The following PLCE1 variants were observed in gnomAD, a reference collection of about 807,000 sequenced individuals.
The protein encoded by PLCE1 is 1-phosphatidylinositol 4,5-bisphosphate phosphodiesterase epsilon-1.
A neutral mutation model predicts 242.8 loss-of-function variants in PLCE1; 119 were observed. That is an observed-to-expected ratio of 0.49 (90% CI 0.42 to 0.57). The LOEUF (loss-of-function observed/expected upper bound fraction) is 0.57. Among genes scored for constraint, PLCE1 ranks in the 20% least tolerant of loss-of-function variants. PLCE1 has a pLI of 0.00. For missense variants in PLCE1, 2,441 were observed against 2,788.8 expected, an observed-to-expected ratio of 0.88 and a Z score of 2.81; for synonymous variants, 945 against 1,017.4, an observed-to-expected ratio of 0.93 and a Z score of 1.35.
chr10:94,073,329 A>G (rs2044413951), intron 2 of PLCE1, among the ~76,000 whole-genome samples: 1 of 152,212 alleles, frequency 6.6e-6, no homozygotes, highest in African/African-American at 2.4e-5. Flanking sequence ...ATTCCAAGTA[A>G]CCAACTTACT....
intron 2 of PLCE1, among the ~76,000 whole-genome samples, chr10:94,039,382 C>CT (rs528351330): frequency 0.032 from 4,651 of 145,514 alleles, 98 homozygotes; most frequent in Non-Finnish European, 0.047. Flanking sequence ...TTCTCCATAT[C>CT]TTTTTTTTTT....
At chr10:94,318,945 A>C (rs1589535202) in intron 29 of PLCE1, among the ~76,000 whole-genome samples, 1 of 152,090 alleles carries the variant, frequency 6.6e-6, no homozygotes, top group East Asian at 1.9e-4. Context: ...CTACTCAGGA[A>C]GCTGAGGCAG....
intron 20 of PLCE1, among the ~76,000 whole-genome samples, chr10:94,281,924 A>T (rs1052989675): frequency 2.0e-5 from 3 of 151,894 alleles, no homozygotes; most frequent in Non-Finnish European, 4.4e-5. Context: ...TTTCTCCAGC[A>T]GGGATAGAGA....
At chr10:94,167,617 C>T (rs1376522875) in intron 3 of PLCE1, among the ~76,000 whole-genome samples, 1 of 151,406 alleles carries the variant, frequency 6.6e-6, no homozygotes, top group Non-Finnish European at 1.5e-5. Flanking sequence ...GTGCTGCACC[C>T]ATTAACTTGT....
At chr10:94,096,010 G>T (rs1211807554) in intron 2 of PLCE1, among the ~76,000 whole-genome samples, 1 of 152,098 alleles carries the variant, frequency 6.6e-6, no homozygotes, top group Non-Finnish European at 1.5e-5. Flanking sequence ...GTTATTGGGG[G>T]CTTCTTGTGA....
intron 23 of PLCE1, among the ~76,000 whole-genome samples, chr10:94,295,972 C>A (rs947454491): frequency 1.2e-4 from 19 of 152,192 alleles, no homozygotes; most frequent in African/African-American, 4.3e-4. Flanking sequence ...AGAGAGACAG[C>A]CTTTTCTTTG....
chr10:94,212,413 C>T (rs578036594), intron 4 of PLCE1, among the ~76,000 whole-genome samples: 11 of 152,308 alleles, frequency 7.2e-5, no homozygotes, highest in East Asian at 1.9e-4. Context: ...TCCACCACTA[C>T]GCCCAGCTGA....
intron 3 of PLCE1, among the ~76,000 whole-genome samples, chr10:94,154,780 T>A (rs1461053989): frequency 6.6e-6 from 1 of 151,800 alleles, no homozygotes; most frequent in Non-Finnish European, 1.5e-5. Flanking sequence ...GACTCACGCC[T>A]GTAATCTCAA....
chr10:94,297,466 A>C (rs2052871226), intron 23 of PLCE1, among the ~76,000 whole-genome samples: 2 of 152,034 alleles, frequency 1.3e-5, no homozygotes, highest in Admixed American at 1.3e-4. Context: ...AATAATGTTT[A>C]AAAGCTTGAA....
In PLCE1 at chr10:94,246,146, C is replaced by G. The variant is rs1342856003; in HGVS notation, c.2621C>G (p.Thr874Arg). Residue 874 changes from threonine to arginine, a missense_variant, in exon 8 of 33, where the codon ACA becomes AGA. This residue lies in a region of PLCE1 where 733 missense variants were observed against 754.2 expected (regional missense o/e 0.97). Transcript: ENST00000371380. ...ACGGTCATCCACTACGACCAGGACACACACCTCTCTGCCCGCTGCTTCCTC... is the reference window on the plus strand; with the variant it reads ...ACGGTCATCCACTACGACCAGGACAGACACCTCTCTGCCCGCTGCTTCCTC... ...GATVIHYDQD[T>R]HLSARCFLQL... 5.0e-6 allele frequency: 8 copies of G among 1,614,036 alleles called. No individual in the cohort carries two copies. Among genetic ancestry groups the G allele is most frequent in the Non-Finnish European group, 6.8e-6 (8 of 1,180,020 alleles).
intron 2 of PLCE1, among the ~76,000 whole-genome samples, chr10:94,084,459 T>G (rs1199607023): frequency 6.6e-6 from 1 of 152,158 alleles, no homozygotes; most frequent in Non-Finnish European, 1.5e-5. Flanking sequence ...CGGCCACCTA[T>G]TCCTCTTCTG....
At chr10:94,170,501 T>C (rs2047938866) in intron 3 of PLCE1, among the ~76,000 whole-genome samples, 1 of 152,244 alleles carries the variant, frequency 6.6e-6, no homozygotes. Flanking sequence ...CATCCCTCTG[T>C]CACCTTCTTG....
intron 1 of PLCE1, among the ~76,000 whole-genome samples, chr10:93,997,397 C>T (rs539413029): frequency 1.3e-5 from 2 of 152,184 alleles, no homozygotes; most frequent in Non-Finnish European, 2.9e-5. Context: ...TTCTGAATCA[C>T]AGTTGGCTGG....
At chr10:94,325,921 G>A (rs570379588) in intron 32 of PLCE1, among the ~76,000 whole-genome samples, 2 of 152,240 alleles carry the variant, frequency 1.3e-5, no homozygotes, top group African/African-American at 2.4e-5. Flanking sequence ...TGGCATCCGG[G>A]ATGTGGTTAA....
At chr10:94,087,236 G>C (rs1589986397) in intron 2 of PLCE1, among the ~76,000 whole-genome samples, 1 of 150,368 alleles carries the variant, frequency 6.7e-6, no homozygotes, top group African/African-American at 2.4e-5. Flanking sequence ...TGTGGTCCTA[G>C]CTACTCAGGA....
At chr10:94,042,009 C>T (rs530413710) in intron 2 of PLCE1, among the ~76,000 whole-genome samples, 1 of 152,208 alleles carries the variant, frequency 6.6e-6, no homozygotes, top group South Asian at 2.1e-4. Context: ...GACATGTATT[C>T]ATTGCCTGCT....
chr10:94,301,827 C>T (rs1460949026), intron 24 of PLCE1, among the ~76,000 whole-genome samples: 6 of 152,178 alleles, frequency 3.9e-5, no homozygotes, highest in African/African-American at 1.4e-4. Flanking sequence ...CCCAGACTTA[C>T]AATGTGTAAA....
In PLCE1 at chr10:94,138,062, C is replaced by T. The variant is rs571389832; in HGVS notation, c.1492+5603C>T. 1.3e-4 allele frequency: 46 copies of T among 366,760 alleles called. No individual in the cohort carries two copies. In the East Asian group the frequency reaches 2.8e-3, roughly 22 times the overall value. 22.7% of individuals were successfully genotyped at this position (366,760 alleles called of 1,614,324 possible). A position where few individuals can be genotyped will look rare whatever the true frequency, so the allele number is the denominator to read the frequency against. On this transcript the variant is annotated intron_variant, in intron 3 of 32. Coordinates refer to ENST00000371380, the MANE Select transcript of PLCE1 (RefSeq NM_016341.4). ...AGTATTTCATGGCCTCTTTGAGTTT[C>T]GTCAGTTGTCTGTGGGCGGCTCTGT...
intron 2 of PLCE1, among the ~76,000 whole-genome samples, chr10:94,121,930 A>C (rs1032894330): frequency 1.3e-5 from 2 of 152,164 alleles, no homozygotes; most frequent in Non-Finnish European, 2.9e-5. Flanking sequence ...CACACTGGAC[A>C]TTTCCAGCTG....
Sources: gnomAD v4.1 joint callset for allele counts (sites outside exome capture counted in the v4.1 genomes callset) on GRCh38, gnomAD v4.1.1 for gene constraint, gnomAD v4.1.1 regional missense constraint, MANE v1.5 for transcripts, NCBI Gene and HGNC (gene_info 2026-07-23, HGNC 2026-07-21) for gene names.